Variants in RIMS1 observed in about 807,000 individuals in gnomAD.
The protein encoded by RIMS1 is regulating synaptic membrane exocytosis protein 1.
In RIMS1, 83 loss-of-function variants were observed where a neutral mutation model predicts 214.1. The ratio of observed to expected loss-of-function variants is 0.39; its 90% CI spans 0.32 to 0.47. RIMS1 has a LOEUF of 0.47. RIMS1 is among the 20% of genes least tolerant of loss of function. The pLI, the probability that RIMS1 is intolerant of heterozygous loss-of-function variation, is 0.99. For synonymous variants in RIMS1, 793 were observed against 786.8 expected (o/e 1.01, Z -0.13); for missense variants, 2,050 against 2,161.8 (o/e 0.95, Z 1.03).
At chr6:72,078,094 A>G (rs1832373023) in intron 2 of RIMS1, among the ~76,000 whole-genome samples, 1 of 152,238 alleles carries the variant, frequency 6.6e-6, no homozygotes, top group Admixed American at 6.5e-5. Flanking sequence ...GTTAAAAACT[A>G]TAATAATCCA....
At chr6:72,049,513 G>T (rs954922835) in intron 2 of RIMS1, among the ~76,000 whole-genome samples, 5 of 152,144 alleles carry the variant, frequency 3.3e-5, no homozygotes, top group Non-Finnish European at 7.4e-5. Context: ...TGACAAAGTG[G>T]GAGGATTAAG....
intron 28 of RIMS1, chr6:72,317,074 G>C: frequency 2.4e-6 from 1 of 424,032 alleles, no homozygotes. Context: ...GGAGGGCAGG[G>C]GTGGGGTGGG....
intron 6 of RIMS1, among the ~76,000 whole-genome samples, chr6:72,194,973 CAGTTAA>C (rs2050635805): frequency 6.6e-6 from 1 of 152,112 alleles, no homozygotes; most frequent in East Asian, 1.9e-4. Context: ...TATAAAATAA[CAGTTAA>C]AGTTAAATGA....
chr6:72,227,984 A>G (rs1320486504), intron 6 of RIMS1, among the ~76,000 whole-genome samples: 1 of 151,904 alleles, frequency 6.6e-6, no homozygotes, highest in Non-Finnish European at 1.5e-5. Flanking sequence ...TTTAAAAACC[A>G]CTTCACTGAG....
chr6:71,937,064 A>AAGTCG (rs1784665948), intron 1 of RIMS1, among the ~76,000 whole-genome samples: 1 of 152,222 alleles, frequency 6.6e-6, no homozygotes, highest in Non-Finnish European at 1.5e-5. Context: ...CCTTTTAGCC[A>AAGTCG]GTGTAACTAT....
chr6:72,339,883 T>G (rs1334079837), intron 29 of RIMS1, among the ~76,000 whole-genome samples: 1 of 151,954 alleles, frequency 6.6e-6, no homozygotes, highest in Non-Finnish European at 1.5e-5. Flanking sequence ...ATGGTTGAAC[T>G]AGTTTACAGT....
At chr6:72,372,754 A>C (rs1595597619) in intron 29 of RIMS1, among the ~76,000 whole-genome samples, 1 of 152,216 alleles carries the variant, frequency 6.6e-6, no homozygotes, top group South Asian at 2.1e-4. Context: ...TTGGTTTGCT[A>C]TTCATTGTTG....
chr6:72,163,508 G>A (rs1328904634), intron 4 of RIMS1, among the ~76,000 whole-genome samples: 1 of 140,732 alleles, frequency 7.1e-6, no homozygotes, highest in Non-Finnish European at 1.6e-5. Context: ...CCCCACCTTT[G>A]TGGTTTTATC....
intron 19 of RIMS1, chr6:72,262,757 CTT>C (rs1591100016): frequency 1.4e-6 from 1 of 733,376 alleles, no homozygotes; most frequent in African/African-American, 1.9e-5. Context: ...ACTATGGACA[CTT>C]ATTATTTCTA....
At chr6:72,361,096 C>CTTTT (rs70994124) in intron 29 of RIMS1, among the ~76,000 whole-genome samples, 4,693 of 54,590 alleles carry the variant, frequency 0.086, 65 homozygotes, top group Non-Finnish European at 0.11. Context: ...GTCTTTCTTT[C>CTTTT]TTTTTTTTTT....
intron 22 of RIMS1, among the ~76,000 whole-genome samples, chr6:72,271,300 T>A (rs1448679021): frequency 3.0e-5 from 4 of 133,492 alleles, no homozygotes; most frequent in Admixed American, 7.6e-5. Context: ...TATATATATA[T>A]ATATATATAT....
chr6:72,130,230 T>C (rs2040231516), intron 4 of RIMS1, among the ~76,000 whole-genome samples: 1 of 152,170 alleles, frequency 6.6e-6, no homozygotes, highest in East Asian at 1.9e-4. Context: ...GAAACCTTAT[T>C]ATTTAATATG....
intron 2 of RIMS1, among the ~76,000 whole-genome samples, chr6:72,039,313 A>G (rs919006001): frequency 3.9e-5 from 6 of 152,310 alleles, no homozygotes; most frequent in Middle Eastern, 6.8e-3. Context: ...AATGAAAAGC[A>G]AAAAATATGA....
chr6:72,360,566 C>T (rs1046005703), intron 29 of RIMS1, among the ~76,000 whole-genome samples: 13 of 151,842 alleles, frequency 8.6e-5, no homozygotes, highest in African/African-American at 2.2e-4. Context: ...TACCAAAAGT[C>T]GTATCAGTGC....
chr6:72,046,459 G>A (rs1320396950), intron 2 of RIMS1, among the ~76,000 whole-genome samples: 2 of 152,070 alleles, frequency 1.3e-5, no homozygotes, highest in Non-Finnish European at 2.9e-5. Context: ...AACACATTAA[G>A]AGGGATTAGC....
At chr6:72,330,212 A>G (rs550523897) in intron 28 of RIMS1, among the ~76,000 whole-genome samples, 4 of 151,862 alleles carry the variant, frequency 2.6e-5, no homozygotes, top group African/African-American at 9.7e-5. Context: ...AAAAGGATAA[A>G]GACTGGTAAG....
At chr6:71,891,709 G>T (rs970337269) in intron 1 of RIMS1, among the ~76,000 whole-genome samples, 1 of 152,164 alleles carries the variant, frequency 6.6e-6, no homozygotes, top group African/African-American at 2.4e-5. Context: ...ATATGAAAAA[G>T]GCATTATTTA....
chr6:71,902,678 C>T (rs1191944113), intron 1 of RIMS1, among the ~76,000 whole-genome samples: 2 of 151,960 alleles, frequency 1.3e-5, no homozygotes, highest in Non-Finnish European at 2.9e-5. Flanking sequence ...TGATGCTCTC[C>T]CTCCCCTGCC....
At position 72,395,971 on chromosome 6, in the gene RIMS1, T is replaced by G. The variant is rs189238628; in HGVS notation, c.4619-2278T>G. Among the ~76,000 whole-genome samples, 34 of 151,790 alleles carry G rather than the reference T, an allele frequency of 2.2e-4. No homozygotes were observed. In the East Asian group the frequency reaches 6.2e-3, roughly 28 times the overall value. ...AAATTATATATATAATTGAAAAATT[T>G]TCAGAACTGAAAATAAATATAGTCA... On this transcript the variant is annotated intron_variant, in intron 31 of 33. Transcript: ENST00000521978.
Sources: gnomAD v4.1 joint callset for allele counts (sites outside exome capture counted in the v4.1 genomes callset) on GRCh38, gnomAD v4.1.1 for gene constraint, MANE v1.5 for transcripts, NCBI Gene and HGNC (gene_info 2026-07-23, HGNC 2026-07-21) for gene names.